The following CACNA1E variants were observed in gnomAD, a reference collection of about 807,000 sequenced individuals.
CACNA1E encodes calcium voltage-gated channel subunit alpha1 E.
A neutral mutation model predicts 259.2 loss-of-function variants in CACNA1E; 40 were observed. The observed-to-expected ratio is 0.15, with a 90% confidence interval of 0.12 to 0.20. CACNA1E has a LOEUF of 0.20. Ranked by LOEUF, CACNA1E falls within the 10% of genes least tolerant of loss-of-function variation. The pLI, the probability that CACNA1E is intolerant of heterozygous loss-of-function variation, is 1.00. For synonymous variants in CACNA1E, 1,104 were observed against 1,138.5 expected, an observed-to-expected ratio of 0.97 and a Z score of 0.61; for missense variants, 1,874 against 3,040.1, an observed-to-expected ratio of 0.62 and a Z score of 9.02.
At position 181,590,649 on chromosome 1, in the gene CACNA1E, C is replaced by A. The variant is rs1307465622; in HGVS notation, c.951+9873C>A. Among the ~76,000 whole-genome samples the A allele has an allele frequency of 2.0e-5, 3 of 152,082 alleles. No individual in the cohort carries two copies. In the East Asian group the frequency reaches 5.8e-4, roughly 29 times the overall value. On this transcript the variant is annotated intron_variant, in intron 6 of 47. Coordinates refer to ENST00000367573, the MANE Select transcript of CACNA1E (RefSeq NM_001205293.3). ...TGACCCAAGGCGGGGCCCTTCCTTG[C>A]AGTGTGCAGTCTTCCTCACCCCAGG...
chr1:181,583,363 A>G (rs1378853900), intron 6 of CACNA1E, among the ~76,000 whole-genome samples: 4 of 152,138 alleles, frequency 2.6e-5, no homozygotes, highest in Admixed American at 2.6e-4. Flanking sequence ...CAGTTCACCC[A>G]GCTGCTGGAT....
intron 2 of CACNA1E, among the ~76,000 whole-genome samples, chr1:181,474,703 T>C (rs1047796604): frequency 4.6e-5 from 7 of 152,352 alleles, no homozygotes; most frequent in African/African-American, 1.4e-4. Flanking sequence ...CAGGACTTTA[T>C]TATCTTATGT....
intron 3 of CACNA1E, among the ~76,000 whole-genome samples, chr1:181,552,185 C>T (rs986504665): frequency 6.6e-6 from 1 of 152,210 alleles, no homozygotes; most frequent in Non-Finnish European, 1.5e-5. Flanking sequence ...TAGGGTGACA[C>T]CCATGTTTGT....
At chr1:181,455,189 G>A (rs1386820311) in intron 2 of CACNA1E, among the ~76,000 whole-genome samples, 1 of 152,124 alleles carries the variant, frequency 6.6e-6, no homozygotes, top group Non-Finnish European at 1.5e-5. Context: ...ATAGAAAGTT[G>A]GCCACATTAT....
chr1:181,346,103 G>C (rs1652573898), intron 1 of CACNA1E, among the ~76,000 whole-genome samples: 1 of 152,222 alleles, frequency 6.6e-6, no homozygotes, highest in Admixed American at 6.5e-5. Context: ...AGGACGGCAG[G>C]AGTGCTGGGG....
chr1:181,514,502 G>A lies in CACNA1E; in HGVS notation c.512+2992G>A, dbSNP rs115492981. On this transcript the variant is annotated intron_variant, in intron 3 of 47. Coordinates refer to ENST00000367573, the MANE Select transcript of CACNA1E (RefSeq NM_001205293.3). The stretch of plus-strand genomic sequence containing the variant: ...GGGCTGGTGTTTTGACCCCTGCCCT[G>A]TGCAGCCTCCTTACCAGGCCACCTG... Among the ~76,000 whole-genome samples the A allele has an allele frequency of 3.3e-3, 505 of 152,286 alleles. 4 individuals carry two copies. Among genetic ancestry groups the A allele is most frequent in the African/African-American group, 0.011 (449 of 41,566 alleles).
At chr1:181,343,819 A>G (rs1176428966) in intron 1 of CACNA1E, among the ~76,000 whole-genome samples, 1 of 152,022 alleles carries the variant, frequency 6.6e-6, no homozygotes, top group Non-Finnish European at 1.5e-5. Flanking sequence ...CTCCTCTCAG[A>G]ATCGTCCCTA....
intron 1 of CACNA1E, among the ~76,000 whole-genome samples, chr1:181,408,847 T>G (rs1419635826): frequency 6.6e-6 from 1 of 152,174 alleles, no homozygotes; most frequent in African/African-American, 2.4e-5. Context: ...CTTATAACTT[T>G]TAATTTCGAA....
chr1:181,421,573 G>C (rs566383092), intron 2 of CACNA1E, among the ~76,000 whole-genome samples: 2 of 152,200 alleles, frequency 1.3e-5, no homozygotes, highest in East Asian at 3.8e-4. Flanking sequence ...AATGTGGCTA[G>C]AACAAAACTC....
At chr1:181,553,098 C>T (rs1648347670) in intron 3 of CACNA1E, among the ~76,000 whole-genome samples, 1 of 152,144 alleles carries the variant, frequency 6.6e-6, no homozygotes, top group Admixed American at 6.5e-5. Context: ...GGCAGTATGG[C>T]CATTTTTACG....
At chr1:181,670,737 A>G (rs1648706766) in intron 7 of CACNA1E, among the ~76,000 whole-genome samples, 1 of 152,168 alleles carries the variant, frequency 6.6e-6, no homozygotes. Context: ...AAAGTAGGAC[A>G]TGACTTCCCT....
intron 6 of CACNA1E, among the ~76,000 whole-genome samples, chr1:181,599,926 A>G (rs1653574789): frequency 6.6e-6 from 1 of 152,220 alleles, no homozygotes; most frequent in Non-Finnish European, 1.5e-5. Context: ...AACAAGCAAA[A>G]TCAGTCCACC....
At chr1:181,492,979 C>T (rs182461484) in intron 1 of CACNA1E, among the ~76,000 whole-genome samples, 3 of 152,102 alleles carry the variant, frequency 2.0e-5, no homozygotes, top group Admixed American at 6.5e-5. Context: ...TCTAGATGAC[C>T]TCAGTAAGTG....
rs1653563493 is a variant in CACNA1E, at chr1:181,357,768, C to A, written c.-15+39645C>A. On this transcript the variant is annotated intron_variant, in intron 1 of 11. Transcript: ENST00000524607. ...CAAACAGCTGAATGACATTTGACAT[C>A]TAGATGCCATGAACATCCAGCCCCC... 2.0e-5 allele frequency among the ~76,000 whole-genome samples: 3 copies of A among 152,166 alleles called. No homozygotes were observed. In the South Asian group the frequency reaches 6.2e-4, roughly 32 times the overall value.
intron 1 of CACNA1E, among the ~76,000 whole-genome samples, chr1:181,385,091 G>T (rs1655743285): frequency 6.6e-6 from 1 of 152,042 alleles, no homozygotes; most frequent in Non-Finnish European, 1.5e-5. Flanking sequence ...CTTACAAAGG[G>T]CGGTCTCTGG....
At chr1:181,656,248 T>G (rs768914588) in intron 7 of CACNA1E, among the ~76,000 whole-genome samples, 1 of 152,218 alleles carries the variant, frequency 6.6e-6, no homozygotes, top group Non-Finnish European at 1.5e-5. Flanking sequence ...ATTGTCATCA[T>G]AGGAGATGAC....
At chr1:181,488,448 A>C (rs774839490) in intron 1 of CACNA1E, among the ~76,000 whole-genome samples, 1 of 152,186 alleles carries the variant, frequency 6.6e-6, no homozygotes, top group African/African-American at 2.4e-5. Context: ...CTGGTACTGG[A>C]GCTGTAGGAG....
chr1:181,387,833 C>T (rs1194216103), intron 1 of CACNA1E, among the ~76,000 whole-genome samples: 2 of 152,166 alleles, frequency 1.3e-5, no homozygotes, highest in African/African-American at 2.4e-5. Flanking sequence ...CTTGCAGCGA[C>T]GTGGACTACA....
At chr1:181,629,246 G>A (rs1165142065) in intron 6 of CACNA1E, among the ~76,000 whole-genome samples, 1 of 152,106 alleles carries the variant, frequency 6.6e-6, no homozygotes, top group Non-Finnish European at 1.5e-5. Context: ...CTCAGGACAA[G>A]CAGTGAAGCA....
Sources: gnomAD v4.1 joint callset for allele counts (sites outside exome capture counted in the v4.1 genomes callset) on GRCh38, gnomAD v4.1.1 for gene constraint, MANE v1.5 for transcripts, NCBI Gene and HGNC (gene_info 2026-07-23, HGNC 2026-07-21) for gene names.